The following PWWP2A variants were observed in gnomAD, a reference collection of about 807,000 sequenced individuals.
PWWP2A encodes PWWP domain-containing protein 2A.
PWWP2A carries 18 observed loss-of-function variants against 48.5 expected under a neutral mutation model. The observed-to-expected ratio is 0.37, with a 90% CI of 0.26 to 0.55. The LOEUF (loss-of-function observed/expected upper bound fraction) is 0.55. Among genes scored for constraint, PWWP2A ranks in the 20% least tolerant of loss-of-function variants. The probability of loss-of-function intolerance (pLI) is 0.81; values close to 1 mark genes in which losing one functional copy is unlikely to be tolerated. For missense variants in PWWP2A, 867 were observed against 976.4 expected (o/e 0.89, Z 1.49); for synonymous variants, 396 against 387.7 (o/e 1.02, Z -0.25).
In PWWP2A at chr5:160,065,142, A is replaced by G. The variant is rs1403542495; in HGVS notation, c.*236+1406T>C. The G allele has an allele frequency of 2.6e-6, 4 of 1,559,118 alleles. No homozygotes were observed. In the East Asian group the frequency reaches 9.0e-5, roughly 35 times the overall value. On this transcript the variant is annotated intron_variant and NMD_transcript_variant, in intron 4 of 5. Transcript: ENST00000524050. ...GTTAGCTAGGGGAAAGGCCCTGCCA[A>G]TGTTTAACTTTTAAAAGCATCTTAT...
intron 1 of PWWP2A, among the ~76,000 whole-genome samples, chr5:160,105,239 C>CAAAAAAAAAAAAA (rs70990704): frequency 4.1e-5 from 2 of 48,944 alleles, no homozygotes; most frequent in African/African-American, 1.7e-4. Context: ...GTCTCTAAGG[C>CAAAAAAAAAAAAA]AAAAAAAAAA....
intron 1 of PWWP2A, among the ~76,000 whole-genome samples, chr5:160,115,499 C>G (rs1021543985): frequency 3.3e-5 from 5 of 152,046 alleles, no homozygotes; most frequent in Non-Finnish European, 7.4e-5. Flanking sequence ...AGAGACCAGC[C>G]TGACCAACAT....
At chr5:160,053,407 TA>T in the PWWP2A span, among the ~76,000 whole-genome samples, 698 of 152,010 alleles carry the variant, frequency 4.6e-3, 8 homozygotes, top group African/African-American at 0.016. Context: ...ATCCTGTCAC[TA>T]AAAAAATTAG....
chr5:160,105,484 G>C (rs539184252), intron 1 of PWWP2A: 1 of 155,062 alleles, frequency 6.4e-6, no homozygotes, highest in Admixed American at 6.6e-5. Flanking sequence ...GTTGCAGGGA[G>C]GCAGAGGTTG....
downstream of PWWP2A, among the ~76,000 whole-genome samples, chr5:160,059,065 CAACTT>C: frequency 6.6e-6 from 1 of 152,314 alleles, no homozygotes; most frequent in East Asian, 1.9e-4. Context: ...GCACTGGCCT[CAACTT>C]AAAGTCACCA....
intron 1 of PWWP2A, among the ~76,000 whole-genome samples, chr5:160,107,925 C>T (rs1757062601): frequency 6.6e-6 from 1 of 151,854 alleles, no homozygotes; most frequent in East Asian, 1.9e-4. Context: ...TGTTTGAACC[C>T]GAAAGGCGGA....
In PWWP2A at chr5:160,091,825, T is replaced by C. The variant is rs1460819999; in HGVS notation, c.*557A>G. On this transcript the variant is annotated 3_prime_UTR_variant, in exon 2 of 2. Transcript: ENST00000307063. ...TAACCATCTAACTTTTACACCATTA[T>C]GCGCATAGAAAGGCTAAGTGTTCAT... 1.0e-6 allele frequency: 1 copy of C among 985,218 alleles called. No individual in the cohort carries two copies. Among genetic ancestry groups the C allele is most frequent in the Non-Finnish European group, 1.2e-6 (1 of 829,902 alleles). The allele number at this position is 985,218 out of a possible 1,614,324, so 61.0% of individuals were successfully genotyped here. A position where few individuals can be genotyped will look rare whatever the true frequency, so the allele number is the denominator to read the frequency against.
rs1276632900 is a variant in PWWP2A, at chr5:160,078,132, A to G, written c.*23T>C. On this transcript the variant is annotated 3_prime_UTR_variant, in exon 4 of 4. Transcript: ENST00000456329. This position sits in a 1 kb window ranked among gnomAD's most constrained non-coding sequence, Gnocchi z 4.2. Reference sequence around the variant, plus strand: ...GGTGTTCTCTGTGTCATTGTGGTACAGGTCCATGAAACCAGCAGCCTGCTA... The same window carrying G: ...GGTGTTCTCTGTGTCATTGTGGTACGGGTCCATGAAACCAGCAGCCTGCTA... 4 of 1,552,092 alleles carry G rather than the reference A, an allele frequency of 2.6e-6. No individual in the cohort carries two copies. The Admixed American group carries it at 7.7e-5, about 30-fold the overall frequency.
the PWWP2A span, chr5:160,049,619 T>C: frequency 6.2e-7 from 1 of 1,605,770 alleles, no homozygotes; most frequent in Admixed American, 1.7e-5. Context: ...AAATCTATAT[T>C]AGAAAAAGAT....
rs113326845 is a variant in PWWP2A at position 160,078,437 on chromosome 5, G to A, written c.1670-269C>T. Among the ~76,000 whole-genome samples, 1,339 of 152,254 alleles carry A rather than the reference G, an allele frequency of 8.8e-3. 18 individuals are homozygous for A. Among genetic ancestry groups the A allele is most frequent in the African/African-American group, 0.031 (1,272 of 41,540 alleles). On this transcript the variant is annotated intron_variant, in intron 3 of 3. Coordinates refer to the PWWP2A transcript ENST00000456329. The surrounding 1 kb of genome is among the most constrained non-coding windows in gnomAD (Gnocchi z 4.2). Reference sequence around the variant, plus strand: ...GCTGTCATCTTTACATAATCAATGTGCACTTGAGTGTTTTTTTAAAATACT... The same window carrying A: ...GCTGTCATCTTTACATAATCAATGTACACTTGAGTGTTTTTTTAAAATACT...
At chr5:160,109,364 A>G (rs981620404) in intron 1 of PWWP2A, among the ~76,000 whole-genome samples, 1 of 151,544 alleles carries the variant, frequency 6.6e-6, no homozygotes, top group Non-Finnish European at 1.5e-5. Context: ...AAAAAAAAAA[A>G]TGATTCAGAA....
chr5:160,052,213 T>C, the PWWP2A span, among the ~76,000 whole-genome samples: 5 of 152,304 alleles, frequency 3.3e-5, no homozygotes, highest in African/African-American at 1.2e-4. Context: ...AATTTACATA[T>C]TTAATTAAAC....
intron 1 of PWWP2A, 113 bp downstream of exon 1, chr5:160,118,692 G>A (rs1045564270): frequency 5.4e-6 from 6 of 1,116,518 alleles, no homozygotes; most frequent in South Asian, 2.5e-5. Flanking sequence ...CAGGACCAGA[G>A]GGCGGGGCCC....
In PWWP2A at chr5:160,099,143, T is replaced by C. The variant is rs539314630; in HGVS notation, c.585-5078A>G. ...CTTTAGCTTTTTCTAAGGGAAGACA[T>C]TTACGTCTCATGTGAATGCTCACCA... On this transcript the variant is annotated intron_variant, in intron 1 of 1. Transcript: ENST00000307063. Among the ~76,000 whole-genome samples the C allele has an allele frequency of 2.0e-5, 3 of 152,336 alleles. No individual in the cohort carries two copies. The East Asian group carries it at 5.8e-4, about 29-fold the overall frequency.
intron 4 of PWWP2A, chr5:160,065,022 C>T (rs370929511): frequency 6.2e-6 from 10 of 1,613,498 alleles, no homozygotes; most frequent in South Asian, 4.4e-5. Flanking sequence ...TCTACCGGCT[C>T]GTACTCCATC....
At chr5:160,070,530 T>C (rs1310759706) in intron 2 of PWWP2A, among the ~76,000 whole-genome samples, 1 of 152,192 alleles carries the variant, frequency 6.6e-6, no homozygotes, top group Non-Finnish European at 1.5e-5. Flanking sequence ...TTCCCTTCCA[T>C]CACAAGCACT....
chr5:160,057,766 T>C (rs549420233), downstream of PWWP2A, among the ~76,000 whole-genome samples: 19 of 152,224 alleles, frequency 1.2e-4, no homozygotes, highest in Admixed American at 9.8e-4. The surrounding 1 kb of genome is among the most constrained non-coding windows in gnomAD (Gnocchi z 4.4). Flanking sequence ...ATTTGGGGGT[T>C]TGTGCGTGTG....
At chr5:160,049,659 T>C in the PWWP2A span, 42 of 1,574,744 alleles carry the variant, frequency 2.7e-5, no homozygotes, top group East Asian at 9.5e-4. Flanking sequence ...GAGAAGCTTG[T>C]ATGGTAAAAC....
downstream of PWWP2A, chr5:160,091,075 T>G (rs1002367652): frequency 1.0e-6 from 1 of 984,834 alleles, no homozygotes; most frequent in Non-Finnish European, 1.2e-6. Flanking sequence ...AAATTAAAAT[T>G]CACACATTTA....
Sources: gnomAD v4.1 joint callset for allele counts (sites outside exome capture counted in the v4.1 genomes callset) on GRCh38, gnomAD v4.1.1 for gene constraint, Gnocchi (gnomAD v3.1) non-coding constraint, MANE v1.5 for transcripts, NCBI Gene and HGNC (gene_info 2026-07-23, HGNC 2026-07-21) for gene names.